The following MCF2 variants were observed in gnomAD, a reference collection of about 807,000 sequenced individuals.
MCF2 encodes proto-oncogene DBL.
In MCF2, 44 loss-of-function variants were observed where a neutral mutation model predicts 82.5. The observed-to-expected ratio is 0.53, with a 90% CI of 0.42 to 0.69. MCF2 has a LOEUF of 0.69. Ranked by LOEUF, MCF2 falls within the 30% of genes least tolerant of loss-of-function variation. The pLI, the probability that MCF2 is intolerant of heterozygous loss-of-function variation, is 0.00. For synonymous variants in MCF2, 217 were observed against 224.9 expected (o/e 0.96, Z 0.32); for missense variants, 623 against 663.1 (o/e 0.94, Z 0.66).
chrX:139,594,771 C>T (rs1413664435), intron 19 of MCF2, among the ~76,000 whole-genome samples: 1,525 of 109,445 alleles, frequency 0.014, 31 homozygotes, highest in African/African-American at 0.048. Context: ...AAAGAAACTA[C>T]CATCAGAGTG....
chrX:139,633,966 G>A (rs763228119), intron 1 of MCF2, among the ~76,000 whole-genome samples: 60 of 111,687 alleles, frequency 5.4e-4, no homozygotes, highest in African/African-American at 1.7e-3. Flanking sequence ...TGGGGCTTGA[G>A]TAACTGGTTG....
chrX:139,599,088 TAGAG>T (rs1331567178), intron 16 of MCF2, among the ~76,000 whole-genome samples: 20 of 109,340 alleles, frequency 1.8e-4, no homozygotes, highest in Non-Finnish European at 3.8e-4. Context: ...GAAATGTGCA[TAGAG>T]AAAGTATAGA....
intron 6 of MCF2, among the ~76,000 whole-genome samples, chrX:139,621,075 T>C (rs755381195): frequency 5.4e-5 from 6 of 110,759 alleles, no homozygotes; most frequent in Non-Finnish European, 1.1e-4. Flanking sequence ...TTTTACCAAA[T>C]CAACGAAAAT....
Position 139,691,840 on chromosome X carries a change from T to G in MCF2, c.-45+16266A>C, listed in dbSNP as rs1029125612. The G allele has an allele frequency of 4.1e-5, 35 of 861,024 alleles. No homozygotes were observed. In the African/African-American group the frequency reaches 4.5e-4, roughly 11 times the overall value. The allele number at this position is 861,024 out of a possible 1,213,427, so 71.0% of individuals were successfully genotyped here. A position where few individuals can be genotyped will look rare whatever the true frequency, so the allele number is the denominator to read the frequency against. ...GAAAATAAAGAAAAGCCGGCCGGGC[T>G]GGGGAGGCAGCGGCTGAGAAGAAGG... On this transcript the variant is annotated intron_variant, in intron 1 of 27. Transcript: ENST00000414978.
chrX:139,642,357 C>T (rs1933617212), intron 1 of MCF2: 3 of 1,005,610 alleles, frequency 3.0e-6, no homozygotes, highest in Non-Finnish European at 4.2e-6. Context: ...CCATTCTCTC[C>T]ATCTGTCCTT....
chrX:139,599,747 C>A (rs1022396871), intron 16 of MCF2, among the ~76,000 whole-genome samples: 3 of 111,626 alleles, frequency 2.7e-5, no homozygotes, highest in African/African-American at 6.5e-5. Flanking sequence ...GGAAAAGAGT[C>A]CAGCAGTTTC....
At chrX:139,635,251 A>G (rs1231118104) in intron 1 of MCF2, among the ~76,000 whole-genome samples, 1 of 111,447 alleles carries the variant, frequency 9.0e-6, no homozygotes, top group East Asian at 2.8e-4. Flanking sequence ...GAATAAAGTT[A>G]ACATGTATAC....
upstream of MCF2, chrX:139,645,505 C>A: frequency 1.4e-6 from 1 of 692,148 alleles, no homozygotes. Flanking sequence ...CTATACCTCC[C>A]AAAACAGAAA....
At chrX:139,679,966 C>T (rs1725208088) in intron 1 of MCF2, among the ~76,000 whole-genome samples, 2 of 111,146 alleles carry the variant, frequency 1.8e-5, no homozygotes, top group Admixed American at 1.9e-4. Flanking sequence ...TTTGTATGTG[C>T]TGCAAATAAA....
At chrX:139,676,798 A>G (rs1279448774) in intron 1 of MCF2, among the ~76,000 whole-genome samples, 2 of 112,379 alleles carry the variant, frequency 1.8e-5, no homozygotes, top group Admixed American at 1.9e-4. Flanking sequence ...GTTTCATGTA[A>G]AAGTTAGCAT....
At chrX:139,606,499 A>G (rs1381482943) in intron 12 of MCF2, among the ~76,000 whole-genome samples, 1 of 110,505 alleles carries the variant, frequency 9.0e-6, no homozygotes, top group Non-Finnish European at 1.9e-5. Context: ...CTGGGATTAT[A>G]GGCGCTCACC....
intron 16 of MCF2, 78 bp downstream of exon 20, chrX:139,602,328 A>T: frequency 2.5e-6 from 2 of 803,982 alleles, no homozygotes; most frequent in Non-Finnish European, 3.7e-6. Flanking sequence ...TACTTAAAGT[A>T]GAAAATGAAT....
At chrX:139,607,880 G>A in intron 11 of MCF2, 101 bp from the exon 16 acceptor site, 4 of 488,506 alleles carry the variant, frequency 8.2e-6, no homozygotes, top group Non-Finnish European at 1.4e-5. Flanking sequence ...TCCTAACTCT[G>A]AAGATAAATT....
chrX:139,696,679 G>A (rs1041581033), intron 1 of MCF2, among the ~76,000 whole-genome samples: 2 of 111,248 alleles, frequency 1.8e-5, no homozygotes, highest in Non-Finnish European at 3.8e-5. Flanking sequence ...TCTGCCCACC[G>A]TGGCCTGGAA....
exon 19 of MCF2, chrX:139,596,764 A>C (rs774887122): frequency 6.7e-6 from 8 of 1,195,230 alleles, no homozygotes; most frequent in Non-Finnish European, 7.9e-6. Context: ...AGTTCATTTA[A>C]GTTTCCCTAG....
chrX:139,617,388 C>A (rs1931995791), intron 8 of MCF2, 125 bp downstream of exon 11: 2 of 438,854 alleles, frequency 4.6e-6, no homozygotes, highest in African/African-American at 5.0e-5. Context: ...CAGTCCCTGA[C>A]CATATAACCT....
At chrX:139,662,176 CTT>C (rs1288694719) in intron 1 of MCF2, among the ~76,000 whole-genome samples, 1 of 111,491 alleles carries the variant, frequency 9.0e-6, no homozygotes, top group Non-Finnish European at 1.9e-5. Context: ...AAAACATACT[CTT>C]AAAACTATAA....
rs774622633 is a variant in MCF2 at position 139,629,941 on chromosome X, C to T, written c.289-97G>A. ...GTATTTGTTTTTATTGGGGGTATAACGGCAAACACATATACTATGAACTCT... is the reference window on the plus strand; with the variant it reads ...GTATTTGTTTTTATTGGGGGTATAATGGCAAACACATATACTATGAACTCT... On this transcript the variant is annotated intron_variant, in intron 3 of 24. Transcript: ENST00000370576. 47 of 658,449 alleles carry T rather than the reference C, an allele frequency of 7.1e-5. 1 individual carries two copies. The South Asian group carries it at 9.1e-4, about 13-fold the overall frequency. The allele number at this position is 658,449 out of a possible 1,213,427, so 54.3% of individuals were successfully genotyped here.
chrX:139,690,652 GT>G (rs1273880010), intron 1 of MCF2, among the ~76,000 whole-genome samples: 1 of 111,477 alleles, frequency 9.0e-6, no homozygotes, highest in Non-Finnish European at 1.9e-5. Flanking sequence ...AACTGAAGAT[GT>G]TTGCATGGCC....
Sources: allele counts gnomAD v4.1 joint callset (sites outside exome capture counted in the v4.1 genomes callset), GRCh38; gene constraint gnomAD v4.1.1; transcripts MANE v1.5; gene names NCBI Gene and HGNC (gene_info 2026-07-23, HGNC 2026-07-21).